UTRN: variants seen among roughly 807,000 people sequenced by gnomAD.
UTRN encodes the protein utrophin.
Under a neutral mutation model 463.9 loss-of-function variants are expected in UTRN, and 283 were observed. The observed-to-expected ratio is 0.61, with a 90% CI of 0.55 to 0.67. The LOEUF is 0.67. Ranked by LOEUF, UTRN falls within the 30% of genes least tolerant of loss-of-function variation. The pLI, the probability that UTRN is intolerant of heterozygous loss-of-function variation, is 0.00. For synonymous variants in UTRN, 1,442 were observed against 1,431.5 expected (o/e 1.01, Z -0.17); for missense variants, 3,922 against 4,084.3 (o/e 0.96, Z 1.08).
chr6:144,370,451 C>G (rs147322654), intron 2 of UTRN, among the ~76,000 whole-genome samples: 1 of 152,208 alleles, frequency 6.6e-6, no homozygotes, highest in African/African-American at 2.4e-5. Context: ...TTGGGAACCT[C>G]CACTTAGATT....
chr6:144,433,795 A>C (rs1271119218), intron 9 of UTRN, among the ~76,000 whole-genome samples: 1 of 144,482 alleles, frequency 6.9e-6, no homozygotes, highest in Non-Finnish European at 1.5e-5. Context: ...GGCGGCCGGG[A>C]AGAGGTGCTC....
chr6:144,692,462 T>A (rs1481250627), intron 52 of UTRN, among the ~76,000 whole-genome samples: 1 of 152,070 alleles, frequency 6.6e-6, no homozygotes, highest in Non-Finnish European at 1.5e-5. Flanking sequence ...CTTTGAGGAG[T>A]CGCCACACTG....
chr6:144,437,507 C>G, intron 10 of UTRN, 58 bp from the exon 11 acceptor site: 1 of 1,462,418 alleles, frequency 6.8e-7, no homozygotes, highest in Non-Finnish European at 9.1e-7. Context: ...TTTGTTCAGT[C>G]TTCCTTTTTT....
At chr6:144,772,509 T>A (rs1586498975) in intron 59 of UTRN, among the ~76,000 whole-genome samples, 2 of 152,280 alleles carry the variant, frequency 1.3e-5, no homozygotes, top group East Asian at 3.9e-4. Flanking sequence ...AAAGAGTTGA[T>A]TTACAGGGAG....
rs146950358 is a variant in UTRN, at chr6:144,444,354, T to C, written c.1586T>C (p.Ile529Thr). 6.3e-5 allele frequency: 101 copies of C among 1,609,964 alleles called. No homozygotes were observed. The highest frequency in any genetic ancestry group is 1.6e-4 in the Middle Eastern group (1 of 6,068). ...ERWNRLQEIN[I>T]LWQELLEEQC... ...TGGAATAGGTTACAAGAAATCAATATATTGTGGCAGGAATTATTGGAAGAA... is the reference window on the plus strand; with the variant it reads ...TGGAATAGGTTACAAGAAATCAATACATTGTGGCAGGAATTATTGGAAGAA... The change falls in exon 14 of 75, where the codon ATA (isoleucine) becomes ACA (threonine). Residue 529 changes from isoleucine to threonine, a missense_variant. Physicochemically the swap from Ile to Thr is moderately conservative, Grantham distance 89. Coordinates refer to ENST00000367545, the MANE Select transcript of UTRN (RefSeq NM_007124.3).
At chr6:144,436,821 AAT>A (rs993008652) in intron 10 of UTRN, among the ~76,000 whole-genome samples, 27 of 142,188 alleles carry the variant, frequency 1.9e-4, no homozygotes, top group African/African-American at 6.9e-4. Context: ...AATAAAAATA[AAT>A]ATATATTTTA....
At chr6:144,371,472 C>T (rs58476463) in intron 2 of UTRN, among the ~76,000 whole-genome samples, 2,793 of 152,282 alleles carry the variant, frequency 0.018, 81 homozygotes, top group African/African-American at 0.063. Flanking sequence ...AGTGCAATGG[C>T]GCAATCTCGG....
intron 2 of UTRN, among the ~76,000 whole-genome samples, chr6:144,389,835 A>T (rs1339011615): frequency 1.3e-5 from 2 of 152,104 alleles, no homozygotes; most frequent in African/African-American, 2.4e-5. Context: ...CTGACCTCAG[A>T]TGATCCGCCC....
intron 2 of UTRN, among the ~76,000 whole-genome samples, chr6:144,321,487 T>G (rs1481242608): frequency 2.9e-5 from 4 of 139,570 alleles, no homozygotes; most frequent in Non-Finnish European, 6.0e-5. Flanking sequence ...TTTTTTTTTT[T>G]GAGACAGAGT....
chr6:144,288,022 T>C (rs1350505472), intron 1 of UTRN, among the ~76,000 whole-genome samples: 2 of 152,266 alleles, frequency 1.3e-5, no homozygotes, highest in African/African-American at 4.8e-5. Flanking sequence ...ACTTTGATTC[T>C]GTCTCCTGAG....
At chr6:144,287,239 C>CT (rs1803777356) in intron 1 of UTRN, among the ~76,000 whole-genome samples, 1 of 152,186 alleles carries the variant, frequency 6.6e-6, no homozygotes. Context: ...TTCCCCGCCC[C>CT]TTTTACCAGC....
chr6:144,520,431 C>G (rs1795986513), intron 39 of UTRN, among the ~76,000 whole-genome samples: 2 of 152,054 alleles, frequency 1.3e-5, no homozygotes, highest in Admixed American at 6.6e-5. Context: ...AATTTGTTTC[C>G]TTAGACATAT....
intron 47 of UTRN, among the ~76,000 whole-genome samples, chr6:144,549,635 C>G (rs1798724421): frequency 6.6e-6 from 1 of 152,114 alleles, no homozygotes; most frequent in Admixed American, 6.5e-5. Flanking sequence ...TACAGGCAAC[C>G]TGTTGGGGGA....
chr6:144,374,318 T>G (rs1408201261), intron 2 of UTRN, among the ~76,000 whole-genome samples: 1 of 152,004 alleles, frequency 6.6e-6, no homozygotes, highest in Non-Finnish European at 1.5e-5. Flanking sequence ...AATGAATCAG[T>G]AGAGACAAAA....
chr6:144,550,629 C>T (rs983446595), intron 47 of UTRN, among the ~76,000 whole-genome samples: 6 of 152,140 alleles, frequency 3.9e-5, no homozygotes, highest in Non-Finnish European at 8.8e-5. Flanking sequence ...GTTTTCAGGG[C>T]ATTTTTCAGC....
Position 144,511,131 on chromosome 6 carries a change from T to A in UTRN, c.4944+8T>A. On this transcript the variant is annotated splice_region_variant and intron_variant, in intron 35 of 74. Transcript: ENST00000367545. ...TGGTGCAATACCTTGATGGTATGTC[T>A]CAGGAAAAAGTAAATGATGAAATCT... 1 of 1,524,320 alleles carries A rather than the reference T, an allele frequency of 6.6e-7. No individual in the cohort carries two copies. The highest frequency in any genetic ancestry group is 8.9e-7 in the Non-Finnish European group (1 of 1,128,674). 94.4% of individuals were successfully genotyped at this position (1,524,320 alleles called of 1,614,324 possible).
chr6:144,624,694 C>T (rs951573), intron 51 of UTRN, among the ~76,000 whole-genome samples: 98,979 of 151,960 alleles, frequency 0.65, 32,739 homozygotes, highest in East Asian at 0.86. Flanking sequence ...CATTGACATC[C>T]TGGCAGCTAA....
intron 51 of UTRN, among the ~76,000 whole-genome samples, chr6:144,601,517 G>C (rs1804248341): frequency 6.6e-6 from 1 of 152,016 alleles, no homozygotes; most frequent in East Asian, 1.9e-4. Context: ...GGAGCCTGAG[G>C]ATGGGAATGA....
intron 73 of UTRN, among the ~76,000 whole-genome samples, chr6:144,844,270 C>CTTTTTTTT (rs543418042): frequency 7.0e-6 from 1 of 143,652 alleles, no homozygotes. Context: ...CTTTCTCTCT[C>CTTTTTTTT]TTTTTTTTTT....
Sources: gnomAD v4.1 joint callset for allele counts (sites outside exome capture counted in the v4.1 genomes callset) on GRCh38, gnomAD v4.1.1 for gene constraint, MANE v1.5 for transcripts, NCBI Gene and HGNC (gene_info 2026-07-23, HGNC 2026-07-21) for gene names.